DEPDC1B: variants seen among roughly 807,000 people sequenced by gnomAD.
DEPDC1B encodes DEP domain containing 1B, also known as DEP domain-containing protein 1B.
A neutral mutation model predicts 66.5 loss-of-function variants in DEPDC1B; 51 were observed. The ratio of observed to expected loss-of-function variants is 0.77; its 90% CI spans 0.61 to 0.97. The LOEUF is 0.97. DEPDC1B is among the 50% of genes least tolerant of loss of function. The pLI is 0.00. For synonymous variants in DEPDC1B, 226 were observed against 223.6 expected (o/e 1.01, Z -0.10); for missense variants, 552 against 637.1 (o/e 0.87, Z 1.44).
intron 2 of DEPDC1B, among the ~76,000 whole-genome samples, chr5:60,673,690 TAAC>T (rs1425008845): frequency 6.6e-6 from 1 of 152,224 alleles, no homozygotes; most frequent in Non-Finnish European, 1.5e-5. Context: ...AATCTAGTCT[TAAC>T]AACCAACATC....
At chr5:60,615,656 G>A (rs1350588595) in intron 7 of DEPDC1B, among the ~76,000 whole-genome samples, 1 of 152,206 alleles carries the variant, frequency 6.6e-6, no homozygotes, top group Non-Finnish European at 1.5e-5. Flanking sequence ...AGCTTGAACT[G>A]GGTGGAGCCC....
intron 7 of DEPDC1B, among the ~76,000 whole-genome samples, chr5:60,615,532 C>T (rs139719814): frequency 0.038 from 5,828 of 152,280 alleles, 366 homozygotes; most frequent in African/African-American, 0.13. Flanking sequence ...CCTACGCCCA[C>T]GGAGCCTTGC....
rs1754431745 is a variant in DEPDC1B, at chr5:60,687,074, T to G, written c.202A>C (p.Thr68Pro). The G allele has an allele frequency of 6.2e-7, 1 of 1,614,220 alleles. No individual in the cohort carries two copies. The change falls in exon 2 of 11, where the codon ACC becomes CCC. Residue 68 changes from threonine to proline, a missense_variant. Physicochemically the swap from Thr to Pro is conservative, Grantham distance 38 (BLOSUM62 -1). Transcript: ENST00000265036. Reference protein sequence around the residue: ...RCSQNFGPEVTRKQTVQLLKK... With the variant: ...RCSQNFGPEVPRKQTVQLLKK... ...AGCAGCTGGACCGTTTGTTTGCGGG[T>G]CACTTCAGGGCCGAAGTTTTGACTG... is the stretch of plus-strand genomic sequence containing the variant.
At chr5:60,660,066 C>T (rs145768600) in intron 2 of DEPDC1B, among the ~76,000 whole-genome samples, 293 of 152,146 alleles carry the variant, frequency 1.9e-3, no homozygotes, top group African/African-American at 6.6e-3. Flanking sequence ...CAGGGAGGCG[C>T]GTATTCCTAT....
intron 1 of DEPDC1B, among the ~76,000 whole-genome samples, chr5:60,688,396 T>G (rs1217041814): frequency 3.3e-5 from 5 of 152,058 alleles, no homozygotes; most frequent in African/African-American, 9.7e-5. Context: ...CACTGCTGGG[T>G]TGAGAGGCCT....
intron 6 of DEPDC1B, among the ~76,000 whole-genome samples, chr5:60,639,381 G>C (rs919211900): frequency 6.6e-6 from 1 of 152,104 alleles, no homozygotes; most frequent in Non-Finnish European, 1.5e-5. Flanking sequence ...CAGTCATAGA[G>C]TTGAGCAAAA....
chr5:60,629,691 A>G (rs1419746169), intron 7 of DEPDC1B, among the ~76,000 whole-genome samples: 1 of 152,102 alleles, frequency 6.6e-6, no homozygotes, highest in Non-Finnish European at 1.5e-5. Flanking sequence ...TCTTTGCCCA[A>G]TTTCCATCTG....
intron 7 of DEPDC1B, among the ~76,000 whole-genome samples, chr5:60,628,045 T>C (rs1752840868): frequency 6.6e-6 from 1 of 152,150 alleles, no homozygotes; most frequent in Admixed American, 6.5e-5. Context: ...AACTGTGCAA[T>C]CAATCTGAGA....
chr5:60,619,799 C>G (rs187456807), intron 7 of DEPDC1B, among the ~76,000 whole-genome samples: 113 of 152,286 alleles, frequency 7.4e-4, no homozygotes, highest in African/African-American at 2.5e-3. Context: ...CTTTAAAGTT[C>G]ATATGGAACC....
At chr5:60,647,859 T>G in intron 2 of DEPDC1B, 1 of 161,048 alleles carries the variant, frequency 6.2e-6, no homozygotes, top group Non-Finnish European at 1.3e-5. Context: ...TTGTTGACTT[T>G]TATTTTGACT....
intron 2 of DEPDC1B, chr5:60,648,152 T>C (rs1753364289): frequency 6.6e-6 from 1 of 152,224 alleles, no homozygotes; most frequent in South Asian, 2.1e-4. Flanking sequence ...GTGCTTTGTC[T>C]TTCCTCTGTT....
chr5:60,650,832 G>A (rs753169720), intron 2 of DEPDC1B, among the ~76,000 whole-genome samples: 32 of 152,142 alleles, frequency 2.1e-4, no homozygotes, highest in Non-Finnish European at 3.1e-4. Context: ...TCAAGAGGCA[G>A]AATGTCTTTC....
chr5:60,656,668 G>A (rs1234039888), intron 2 of DEPDC1B, among the ~76,000 whole-genome samples: 4 of 152,190 alleles, frequency 2.6e-5, no homozygotes, highest in African/African-American at 7.2e-5. Flanking sequence ...GGAAGCAAAC[G>A]TGTCCTTCTT....
At chr5:60,606,273 G>A (rs1274840822) in intron 7 of DEPDC1B, among the ~76,000 whole-genome samples, 7 of 152,094 alleles carry the variant, frequency 4.6e-5, no homozygotes, top group Non-Finnish European at 2.9e-5. Context: ...TTATCAGCAG[G>A]CTCACCACCT....
At chr5:60,604,345 C>T (rs951083578) in intron 8 of DEPDC1B, among the ~76,000 whole-genome samples, 9 of 150,452 alleles carry the variant, frequency 6.0e-5, no homozygotes, top group Admixed American at 1.3e-4. Context: ...CCCAGCCTCC[C>T]GAGTAGCTGG....
intron 2 of DEPDC1B, among the ~76,000 whole-genome samples, chr5:60,667,951 TTA>T (rs1170045380): frequency 8.3e-6 from 1 of 120,244 alleles, no homozygotes; most frequent in Non-Finnish European, 1.6e-5. Context: ...AATGGATATT[TTA>T]TATATATAAT....
intron 2 of DEPDC1B, among the ~76,000 whole-genome samples, chr5:60,665,716 G>A (rs59155887): frequency 0.34 from 52,183 of 152,034 alleles, 10,578 homozygotes; most frequent in East Asian, 0.57. Context: ...GACAGGACTA[G>A]CTGGATTTCC....
intron 7 of DEPDC1B, among the ~76,000 whole-genome samples, chr5:60,633,954 A>C (rs973345019): frequency 6.6e-6 from 1 of 152,222 alleles, no homozygotes. Flanking sequence ...TCCAGGAAGC[A>C]CAATGTTGGG....
At chr5:60,619,703 GGCCATACTGCCCAAGGTAAT>G in intron 7 of DEPDC1B, among the ~76,000 whole-genome samples, 1 of 152,176 alleles carries the variant, frequency 6.6e-6, no homozygotes, top group Non-Finnish European at 1.5e-5. Context: ...TTGTGAAAAT[GGCCATACTGCCCAAGGTAAT>G]TTATAGATTC....
Sources: gnomAD v4.1 joint callset for allele counts (sites outside exome capture counted in the v4.1 genomes callset) on GRCh38, gnomAD v4.1.1 for gene constraint, MANE v1.5 for transcripts, NCBI Gene and HGNC (gene_info 2026-07-23, HGNC 2026-07-21) for gene names.